The following NALF1 variants were observed in gnomAD, a reference collection of about 807,000 sequenced individuals.
NALF1 encodes NALCN channel auxiliary factor 1, also known as family with sequence similarity 155 member A.
A neutral mutation model predicts 48.4 loss-of-function variants in NALF1; 3 were observed. That is an observed-to-expected ratio of 0.06 (90% confidence interval 0.03 to 0.16). The LOEUF (loss-of-function observed/expected upper bound fraction) is 0.16, where lower values mean the gene tolerates loss of function less well. NALF1 is among the 10% of genes least tolerant of loss of function. The probability of loss-of-function intolerance (pLI) is 1.00; values close to 1 mark genes in which losing one functional copy is unlikely to be tolerated. For synonymous variants in NALF1, 262 were observed against 245.7 expected, an observed-to-expected ratio of 1.07 and a Z score of -0.62; for missense variants, 526 against 571.5, an observed-to-expected ratio of 0.92 and a Z score of 0.81.
intron 1 of NALF1, among the ~76,000 whole-genome samples, chr13:107,765,986 A>G (rs993051834): frequency 6.7e-6 from 1 of 149,876 alleles, no homozygotes; most frequent in Non-Finnish European, 1.5e-5. Context: ...AAAAATAGCT[A>G]TGTTTTAGCT....
intron 1 of NALF1, among the ~76,000 whole-genome samples, chr13:107,344,227 C>A (rs1033244034): frequency 2.6e-5 from 4 of 152,030 alleles, no homozygotes; most frequent in Non-Finnish European, 5.9e-5. Context: ...AGCCCAGGAC[C>A]AGATGGCTTC....
At chr13:107,364,008 C>T (rs150144773) in intron 1 of NALF1, among the ~76,000 whole-genome samples, 63 of 152,244 alleles carry the variant, frequency 4.1e-4, no homozygotes, top group African/African-American at 1.3e-3. Flanking sequence ...ATTTTCTGAA[C>T]GTTCTAATCA....
At position 107,253,014 on chromosome 13, in the gene NALF1, C is replaced by A. The variant is rs1880734386; in HGVS notation, c.916-42259G>T. 1.3e-5 allele frequency among the ~76,000 whole-genome samples: 2 copies of A among 152,104 alleles called. 1 individual carries two copies. The highest frequency in any genetic ancestry group is 4.1e-4 in the South Asian group (2 of 4,824). ...CCCAAAATAACACATTTTCTTTTTA[C>A]ATTTCTATTATTTAATGACATAGTT... On this transcript the variant is annotated intron_variant, in intron 1 of 2. Coordinates refer to ENST00000375915, the MANE Select transcript of NALF1 (RefSeq NM_001080396.3).
At chr13:107,208,893 C>T (rs955140648) in intron 2 of NALF1, among the ~76,000 whole-genome samples, 5 of 152,068 alleles carry the variant, frequency 3.3e-5, no homozygotes, top group African/African-American at 1.2e-4. Context: ...TCCCCCTCCT[C>T]CCCCTCCAGC....
At chr13:107,522,511 T>G (rs770809702) in intron 1 of NALF1, among the ~76,000 whole-genome samples, 1 of 152,150 alleles carries the variant, frequency 6.6e-6, no homozygotes, top group Admixed American at 6.6e-5. Flanking sequence ...ACAGGCCACC[T>G]ACTAGATTCA....
intron 1 of NALF1, among the ~76,000 whole-genome samples, chr13:107,828,606 T>TACACACAC (rs60869824): frequency 0.022 from 2,264 of 103,934 alleles, 24 homozygotes; most frequent in Non-Finnish European, 0.032. Flanking sequence ...TCTATATCTA[T>TACACACAC]ACACACACAC....
chr13:107,450,437 T>C (rs114737843), intron 1 of NALF1, among the ~76,000 whole-genome samples: 131 of 152,098 alleles, frequency 8.6e-4, no homozygotes, highest in African/African-American at 3.0e-3. Flanking sequence ...CTGGTGAGTG[T>C]GAAGGCTGAG....
chr13:107,855,649 C>T (rs1412329912), intron 1 of NALF1, among the ~76,000 whole-genome samples: 2 of 152,138 alleles, frequency 1.3e-5, no homozygotes, highest in Non-Finnish European at 2.9e-5. Context: ...AGACTTGCGG[C>T]ACAGTGAGCA....
At chr13:107,343,519 G>A (rs1201720029) in intron 1 of NALF1, among the ~76,000 whole-genome samples, 4 of 152,162 alleles carry the variant, frequency 2.6e-5, no homozygotes, top group Non-Finnish European at 4.4e-5. Flanking sequence ...TATGTAAGAC[G>A]TGACTTGCTC....
intron 1 of NALF1, 25 bp downstream of exon 1, chr13:107,865,656 AG>A: frequency 6.2e-7 from 1 of 1,602,070 alleles, no homozygotes; most frequent in East Asian, 2.2e-5. Flanking sequence ...AGTGCAGGAA[AG>A]GGGGAAACCC....
chr13:107,244,914 ATG>A (rs1200374997), intron 1 of NALF1, among the ~76,000 whole-genome samples: 1 of 152,176 alleles, frequency 6.6e-6, no homozygotes, highest in Non-Finnish European at 1.5e-5. Flanking sequence ...GGAGATAAAT[ATG>A]TGTTTCCTAT....
At chr13:107,234,482 C>T (rs1880296690) in intron 1 of NALF1, among the ~76,000 whole-genome samples, 2 of 152,104 alleles carry the variant, frequency 1.3e-5, no homozygotes, top group African/African-American at 4.8e-5. Context: ...TTATAAACAT[C>T]AAAGACAGGC....
At chr13:107,771,556 G>C (rs571240670) in intron 1 of NALF1, among the ~76,000 whole-genome samples, 1 of 150,816 alleles carries the variant, frequency 6.6e-6, no homozygotes, top group African/African-American at 2.4e-5. Flanking sequence ...AGAGGCGTTC[G>C]AACCAGAGCG....
At chr13:107,491,963 C>G (rs1428658116) in intron 1 of NALF1, among the ~76,000 whole-genome samples, 1 of 150,350 alleles carries the variant, frequency 6.7e-6, no homozygotes, top group Non-Finnish European at 1.5e-5. Flanking sequence ...GCCTGGGCAC[C>G]TGTTATCTTT....
intron 1 of NALF1, among the ~76,000 whole-genome samples, chr13:107,653,948 T>C (rs1043085393): frequency 4.6e-5 from 7 of 152,098 alleles, no homozygotes; most frequent in African/African-American, 1.4e-4. Context: ...CTCAAGCAAT[T>C]ATTTGATTTT....
Position 107,179,436 on chromosome 13 carries a change from T to A in NALF1, c.1088-8650A>T, listed in dbSNP as rs138154286. ...AAAATATAGTTAGATAGAATGAGTA[T>A]GATCTAGTATTTGTTAATACAACAG... On this transcript the variant is annotated intron_variant, in intron 2 of 2. Transcript: ENST00000375915. Among the ~76,000 whole-genome samples the A allele has an allele frequency of 1.4e-4, 22 of 152,154 alleles. No individual in the cohort carries two copies. The East Asian group carries it at 4.1e-3, about 28-fold the overall frequency.
rs1880730474 is a variant in NALF1 at position 107,866,367 on chromosome 13, CGCTGCTGCTGCTGGT to C, written c.215_229del (p.His72_Gln76del). On this transcript the variant is annotated inframe_deletion, in exon 1 of 3. Coordinates refer to ENST00000375915, the MANE Select transcript of NALF1 (RefSeq NM_001080396.3). This position sits in a 1 kb window ranked among gnomAD's most constrained non-coding sequence, Gnocchi z 4.4. ...CTGCTGCTGCTGCTGCTGCTGCTGCCGCTGCTGCTGCTGGTGCTCCTTGTCCCGGGCCCGGGTCAG... is the reference window on the plus strand; with the variant it reads ...CTGCTGCTGCTGCTGCTGCTGCTGCCGCTCCTTGTCCCGGGCCCGGGTCAG... 3.8e-6 allele frequency: 6 copies of C among 1,573,066 alleles called. 1 individual carries two copies. The East Asian group carries it at 1.1e-4, about 29-fold the overall frequency.
At chr13:107,523,992 G>C (rs116297303) in intron 1 of NALF1, among the ~76,000 whole-genome samples, 5,570 of 152,094 alleles carry the variant, frequency 0.037, 183 homozygotes, top group African/African-American at 0.087. Context: ...AATTTGTGTA[G>C]ACAATTCCCC....
intron 1 of NALF1, among the ~76,000 whole-genome samples, chr13:107,549,891 T>C (rs993908514): frequency 1.3e-5 from 2 of 152,158 alleles, no homozygotes; most frequent in African/African-American, 4.8e-5. Context: ...CCAATAAGAA[T>C]TGTATTTCCT....
Sources: allele counts gnomAD v4.1 joint callset (sites outside exome capture counted in the v4.1 genomes callset), GRCh38; gene constraint gnomAD v4.1.1; non-coding constraint Gnocchi (gnomAD v3.1); transcripts MANE v1.5; gene names NCBI Gene and HGNC (gene_info 2026-07-23, HGNC 2026-07-21).